The following CEMIP variants were observed in gnomAD, a reference collection of about 807,000 sequenced individuals.
CEMIP encodes the protein cell migration inducing hyaluronidase 1.
A neutral mutation model predicts 156.9 loss-of-function variants in CEMIP; 105 were observed. The ratio of observed to expected loss-of-function variants is 0.67; its 90% CI spans 0.57 to 0.79. CEMIP has a LOEUF of 0.79. Ranked by LOEUF, CEMIP falls within the 30% of genes least tolerant of loss-of-function variation. The pLI is 0.00. For synonymous variants in CEMIP, 676 were observed against 668.4 expected, an observed-to-expected ratio of 1.01 and a Z score of -0.17; for missense variants, 1,457 against 1,769.4, an observed-to-expected ratio of 0.82 and a Z score of 3.17.
chr15:80,892,071 C>T (rs1242274191), intron 10 of CEMIP, among the ~76,000 whole-genome samples: 2 of 152,162 alleles, frequency 1.3e-5, no homozygotes, highest in Admixed American at 1.3e-4. Flanking sequence ...CAGTTTTTCT[C>T]TGGTCACCTG....
rs1204421033 is a variant in CEMIP at position 80,813,040 on chromosome 15, TAC to T, written c.-176+33428_-176+33429del. Among the ~76,000 whole-genome samples the T allele has an allele frequency of 2.6e-5, 4 of 152,230 alleles. No individual in the cohort carries two copies. The South Asian group carries it at 8.3e-4, about 32-fold the overall frequency. ...TTACATCATTGCCATGTTTTCCCTT[TAC>T]AATGCATGATTAATTTTAATTTTTC... On this transcript the variant is annotated intron_variant, in intron 1 of 29. Transcript: ENST00000394685.
chr15:80,831,872 A>G (rs1897164667), intron 1 of CEMIP, among the ~76,000 whole-genome samples: 2 of 152,220 alleles, frequency 1.3e-5, no homozygotes, highest in South Asian at 4.1e-4. Context: ...CGTTAGTGCC[A>G]AATTCCTTCT....
In CEMIP at chr15:80,797,964, C is replaced by G. The variant is rs545312831; in HGVS notation, c.-176+18350C>G. ...TCTGTGCTCTAAGCACTGTGTGAAA[C>G]CAGCCTGGTTCTAAGACTTTTGGAG... is the stretch of plus-strand genomic sequence containing the variant. On this transcript the variant is annotated intron_variant, in intron 1 of 29. Coordinates refer to ENST00000394685, the MANE Select transcript of CEMIP (RefSeq NM_001293298.2). 8.5e-5 allele frequency among the ~76,000 whole-genome samples: 13 copies of G among 152,298 alleles called. No individual in the cohort carries two copies. In the South Asian group the frequency reaches 2.5e-3, roughly 29 times the overall value.
chr15:80,800,848 T>C (rs1896357928), intron 1 of CEMIP, among the ~76,000 whole-genome samples: 1 of 152,208 alleles, frequency 6.6e-6, no homozygotes, highest in Non-Finnish European at 1.5e-5. Context: ...AAACCTGTTA[T>C]AAAGTAAAAC....
intron 7 of CEMIP, among the ~76,000 whole-genome samples, chr15:80,885,076 C>G (rs1047823517): frequency 1.3e-5 from 2 of 152,168 alleles, no homozygotes; most frequent in Admixed American, 6.5e-5. Flanking sequence ...TCCCTCTGCC[C>G]CTCGCCCCTG....
intron 10 of CEMIP, among the ~76,000 whole-genome samples, chr15:80,894,132 G>T (rs1476532983): frequency 6.6e-6 from 1 of 152,162 alleles, no homozygotes; most frequent in African/African-American, 2.4e-5. Flanking sequence ...GCTGAATGCT[G>T]GGGACAAGGG....
intron 14 of CEMIP, among the ~76,000 whole-genome samples, chr15:80,919,713 G>A (rs1378791445): frequency 6.6e-6 from 1 of 152,106 alleles, no homozygotes; most frequent in African/African-American, 2.4e-5. Context: ...TACTCGGGAG[G>A]CTGAGGCAGG....
chr15:80,806,758 G>A (rs72738226), intron 1 of CEMIP, among the ~76,000 whole-genome samples: 18 of 152,294 alleles, frequency 1.2e-4, no homozygotes, highest in East Asian at 5.8e-4. Context: ...TATGCATAGC[G>A]TTATCCTGTT....
At chr15:80,903,639 G>A (rs1374267419) in intron 12 of CEMIP, among the ~76,000 whole-genome samples, 1 of 152,112 alleles carries the variant, frequency 6.6e-6, no homozygotes, top group African/African-American at 2.4e-5. Context: ...AGACCTCTTT[G>A]CCATCCCCTG....
At chr15:80,941,647 C>A (rs1038430273) in intron 25 of CEMIP, among the ~76,000 whole-genome samples, 1 of 152,216 alleles carries the variant, frequency 6.6e-6, no homozygotes, top group Non-Finnish European at 1.5e-5. Flanking sequence ...ATAGAATTGC[C>A]ATTCTCATTA....
intron 26 of CEMIP, 66 bp from the exon 27 acceptor site, chr15:80,942,185 T>C (rs1047606056): frequency 1.3e-6 from 2 of 1,500,286 alleles, no homozygotes; most frequent in Non-Finnish European, 1.9e-6. Flanking sequence ...TGACTGGGGA[T>C]ACGGGAAGAG....
intron 23 of CEMIP, among the ~76,000 whole-genome samples, chr15:80,934,260 T>C (rs909974513): frequency 1.6e-4 from 25 of 152,204 alleles, no homozygotes; most frequent in Non-Finnish European, 2.9e-5. Flanking sequence ...GGTAATGGGA[T>C]AGGAAAAAAT....
chr15:80,901,442 T>C (rs1301258472), intron 12 of CEMIP, among the ~76,000 whole-genome samples: 1 of 152,112 alleles, frequency 6.6e-6, no homozygotes, highest in Non-Finnish European at 1.5e-5. Context: ...TGGCTTACGC[T>C]TGTAATCCCA....
intron 1 of CEMIP, among the ~76,000 whole-genome samples, chr15:80,861,608 G>C (rs1407549022): frequency 6.6e-6 from 1 of 152,218 alleles, no homozygotes; most frequent in African/African-American, 2.4e-5. Flanking sequence ...GGAGTGATGT[G>C]GGTCTTGACC....
intron 1 of CEMIP, among the ~76,000 whole-genome samples, chr15:80,798,121 T>C (rs1896278932): frequency 6.6e-6 from 1 of 152,222 alleles, no homozygotes; most frequent in African/African-American, 2.4e-5. Flanking sequence ...AACCGTGTAT[T>C]TCCTTATCAC....
chr15:80,798,239 T>C (rs936000043), intron 1 of CEMIP, among the ~76,000 whole-genome samples: 6 of 152,366 alleles, frequency 3.9e-5, no homozygotes, highest in East Asian at 1.9e-4. Context: ...GTATATTTTT[T>C]ACATAACGTT....
intron 1 of CEMIP, among the ~76,000 whole-genome samples, chr15:80,868,287 G>A (rs973868673): frequency 1.3e-5 from 2 of 152,192 alleles, no homozygotes; most frequent in East Asian, 3.8e-4. Context: ...TCTACCAGGG[G>A]CAGAGAAATG....
chr15:80,914,448 T>C (rs1900186294), intron 14 of CEMIP, among the ~76,000 whole-genome samples: 1 of 152,198 alleles, frequency 6.6e-6, no homozygotes, highest in South Asian at 2.1e-4. Context: ...GGCTGCCACA[T>C]GTGGCCCTGC....
At position 80,873,781 on chromosome 15, in the gene CEMIP, C is replaced by T. The variant is rs1047338402; in HGVS notation, c.-16-83C>T. 3.7e-5 allele frequency: 35 copies of T among 937,152 alleles called. No homozygotes were observed. In the African/African-American group the frequency reaches 5.4e-4, roughly 14 times the overall value. 58.1% of individuals were successfully genotyped at this position (937,152 alleles called of 1,614,324 possible). A position where few individuals can be genotyped will look rare whatever the true frequency, so the allele number is the denominator to read the frequency against. On this transcript the variant is annotated intron_variant, in intron 2 of 29. Transcript: ENST00000394685. ...CCCGTGTCTGTGTGTGTGCATGTGG[C>T]TCTGTTTATCTCCATGTCGGCCCTG...
Sources: gnomAD v4.1 joint callset for allele counts (sites outside exome capture counted in the v4.1 genomes callset) on GRCh38, gnomAD v4.1.1 for gene constraint, MANE v1.5 for transcripts, NCBI Gene and HGNC (gene_info 2026-07-23, HGNC 2026-07-21) for gene names.